Variants in DMD observed in about 807,000 individuals in gnomAD.
The protein encoded by DMD is dystrophin, also known as mutant dystrophin.
In DMD, 63 loss-of-function variants were observed where a neutral mutation model predicts 330.1. The observed-to-expected ratio is 0.19, with a 90% CI of 0.16 to 0.24. The LOEUF is 0.24. Ranked by LOEUF, DMD falls within the 10% of genes least tolerant of loss-of-function variation. The pLI, the probability that DMD is intolerant of heterozygous loss-of-function variation, is 1.00. For synonymous variants in DMD, 1,223 were observed against 959.8 expected (o/e 1.27, Z -5.07); for missense variants, 3,344 against 2,684.1 (o/e 1.25, Z -5.43).
chrX:31,946,981 A>AATATTGC (rs2095096184), intron 45 of DMD, among the ~76,000 whole-genome samples: 1 of 111,577 alleles, frequency 9.0e-6, no homozygotes, highest in African/African-American at 3.3e-5. Context: ...TTAACGAGAA[A>AATATTGC]ATATTGCATA....
At chrX:32,042,026 CATATATATATATATATATATAT>C (rs57983190) in intron 44 of DMD, among the ~76,000 whole-genome samples, 12 of 40,463 alleles carry the variant, frequency 3.0e-4, no homozygotes, top group East Asian at 1.8e-3. Context: ...TCTCTCTGTT[CATATATATATATATATATATAT>C]ATATATATAT....
chrX:32,000,158 A>C (rs2095616078), intron 44 of DMD, among the ~76,000 whole-genome samples: 1 of 112,465 alleles, frequency 8.9e-6, no homozygotes. Context: ...TGGACAATCC[A>C]TGCACAATTA....
At chrX:32,663,933 G>A (rs1485860033) in intron 9 of DMD, among the ~76,000 whole-genome samples, 1 of 111,657 alleles carries the variant, frequency 9.0e-6, no homozygotes, top group East Asian at 2.8e-4. Flanking sequence ...GGAAGCCAGA[G>A]AAGAAACATA....
At chrX:32,825,814 T>C (rs1433442895) in intron 4 of DMD, among the ~76,000 whole-genome samples, 1 of 111,380 alleles carries the variant, frequency 9.0e-6, no homozygotes, top group Non-Finnish European at 1.9e-5. Flanking sequence ...GTACCTAAAA[T>C]AGCCAAATTC....
chrX:32,821,380 C>G (rs900363597), intron 5 of DMD, among the ~76,000 whole-genome samples: 9 of 109,547 alleles, frequency 8.2e-5, no homozygotes, highest in Non-Finnish European at 1.7e-4. Context: ...GTCAGGAGAT[C>G]GAGACCATCC....
chrX:31,810,491 C>CTG (rs1202605316), intron 50 of DMD, among the ~76,000 whole-genome samples: 1 of 112,125 alleles, frequency 8.9e-6, no homozygotes, highest in Non-Finnish European at 1.9e-5. Context: ...AGTTGAAAAA[C>CTG]TGTCAAGTAT....
intron 45 of DMD, among the ~76,000 whole-genome samples, chrX:31,942,696 T>C (rs1177633132): frequency 1.8e-5 from 2 of 111,849 alleles, no homozygotes; most frequent in African/African-American, 3.3e-5. Context: ...TCCTGTTATG[T>C]AGTCCCACAG....
intron 55 of DMD, among the ~76,000 whole-genome samples, chrX:31,578,541 G>T (rs778136030): frequency 8.9e-6 from 1 of 111,968 alleles, no homozygotes; most frequent in African/African-American, 3.2e-5. Context: ...CAGGAAGGCT[G>T]GGATTTTTCA....
chrX:32,179,535 A>T (rs2147448551), intron 44 of DMD, among the ~76,000 whole-genome samples: 1 of 112,427 alleles, frequency 8.9e-6, no homozygotes, highest in East Asian at 2.8e-4. Context: ...AGAAATAAAC[A>T]CTGTCCTTAC....
chrX:32,905,454 T>C (rs1028105769), intron 2 of DMD, among the ~76,000 whole-genome samples: 13 of 111,691 alleles, frequency 1.2e-4, no homozygotes, highest in Non-Finnish European at 2.3e-4. Context: ...ATATATAAGT[T>C]GGGGCTGAGT....
At position 32,697,898 on chromosome X, in the gene DMD, T is replaced by A. The variant is rs760932600; in HGVS notation, c.932A>T (p.Asp311Val). ...TGAAGGAAATGGGCTCCGTGTAGGG[T>A]CAGAGGTGGTGACATAAGCAGCCTG... ...YTQAAYVTTSDPTRSPFPSQH... is the reference protein window; with the variant it reads ...YTQAAYVTTSVPTRSPFPSQH... Residue 311 changes from aspartate (D) to valine (V), a missense_variant, in exon 9 of 79, where the codon GAC becomes GTC. By Grantham distance (152) the Asp-to-Val change is radical (BLOSUM62 -3). Coordinates refer to ENST00000357033, the MANE Select transcript of DMD (RefSeq NM_004006.3). 2.5e-6 allele frequency: 3 copies of A among 1,207,236 alleles called. No homozygotes were observed. Among genetic ancestry groups the A allele is most frequent in the Middle Eastern group, 4.6e-4 (2 of 4,368 alleles).
intron 60 of DMD, among the ~76,000 whole-genome samples, chrX:31,373,858 G>T (rs756117089): frequency 1.8e-5 from 2 of 108,870 alleles, no homozygotes; most frequent in Non-Finnish European, 3.8e-5. Context: ...CACAGCAAAA[G>T]AAACTACCAT....
intron 2 of DMD, among the ~76,000 whole-genome samples, chrX:32,933,850 A>T (rs1855463987): frequency 8.9e-6 from 1 of 111,844 alleles, no homozygotes; most frequent in African/African-American, 3.3e-5. Context: ...GGAGAATTGC[A>T]GAGCAGGCAC....
intron 19 of DMD, among the ~76,000 whole-genome samples, chrX:32,495,078 A>G (rs1243075631): frequency 2.7e-5 from 3 of 112,078 alleles, no homozygotes; most frequent in Non-Finnish European, 5.6e-5. Context: ...AAACATTTCA[A>G]AAAAAACGTG....
At chrX:32,949,973 A>ACATCCAGTGTAAAGGTGC (rs1569545154) in intron 2 of DMD, among the ~76,000 whole-genome samples, 1 of 110,237 alleles carries the variant, frequency 9.1e-6, no homozygotes, top group African/African-American at 3.3e-5. Context: ...GGCAAAAAAA[A>ACATCCAGTGTAAAGGTGC]AAAAAAAAAT....
rs190554339 is a variant in DMD at position 32,785,659 on chromosome X, T to A, written c.649+23834A>T. Reference sequence around the variant, plus strand: ...AGCTTTAGCAGTTTTACTTAGGTTATAACAATTTAAAAATTTCTCATCTTA... The same window carrying A: ...AGCTTTAGCAGTTTTACTTAGGTTAAAACAATTTAAAAATTTCTCATCTTA... On this transcript the variant is annotated intron_variant, in intron 7 of 78. Coordinates refer to ENST00000357033, the MANE Select transcript of DMD (RefSeq NM_004006.3). Among the ~76,000 whole-genome samples the A allele has an allele frequency of 7.9e-3, 883 of 111,948 alleles. 4 individuals carry two copies. The highest frequency in any genetic ancestry group is 0.027 in the African/African-American group (831 of 30,974).
intron 2 of DMD, among the ~76,000 whole-genome samples, chrX:32,886,236 T>C (rs2084551796): frequency 9.1e-6 from 1 of 110,084 alleles, no homozygotes. Flanking sequence ...TACCAAGTGG[T>C]TTATAAAATA....
intron 45 of DMD, among the ~76,000 whole-genome samples, chrX:31,950,803 T>G (rs1210523933): frequency 1.8e-5 from 2 of 110,258 alleles, no homozygotes; most frequent in African/African-American, 6.6e-5. Context: ...TGTCACTTCA[T>G]TTTTTATATG....
At chrX:31,229,522 C>A (rs1261741428) in intron 63 of DMD, among the ~76,000 whole-genome samples, 1 of 111,763 alleles carries the variant, frequency 8.9e-6, no homozygotes, top group Non-Finnish European at 1.9e-5. Flanking sequence ...AATGATTATT[C>A]CAACAGATAA....
Sources: gnomAD v4.1 joint callset for allele counts (sites outside exome capture counted in the v4.1 genomes callset) on GRCh38, gnomAD v4.1.1 for gene constraint, MANE v1.5 for transcripts, NCBI Gene and HGNC (gene_info 2026-07-23, HGNC 2026-07-21) for gene names.